The following THSD4 variants were observed in gnomAD, a reference collection of about 807,000 sequenced individuals.
THSD4 encodes the protein thrombospondin type 1 domain containing 4.
THSD4 carries 69 observed loss-of-function variants against 119.0 expected under a neutral mutation model. The ratio of observed to expected loss-of-function variants is 0.58; its 90% CI spans 0.48 to 0.71. The LOEUF (loss-of-function observed/expected upper bound fraction) is 0.71, where lower values mean the gene tolerates loss of function less well. THSD4 is among the 30% of genes least tolerant of loss of function. The probability of loss-of-function intolerance (pLI) is 0.00; values close to 1 mark genes in which losing one functional copy is unlikely to be tolerated. For missense variants in THSD4, 1,393 were observed against 1,391.1 expected (o/e 1.00, Z -0.02); for synonymous variants, 524 against 540.4 (o/e 0.97, Z 0.42).
intron 7 of THSD4, among the ~76,000 whole-genome samples, chr15:71,499,855 A>G (rs1479731343): frequency 6.6e-6 from 1 of 152,204 alleles, no homozygotes; most frequent in African/African-American, 2.4e-5. Flanking sequence ...AGGATGAATA[A>G]TATTCCATTG....
intron 7 of THSD4, among the ~76,000 whole-genome samples, chr15:71,566,564 C>T (rs765351653): frequency 2.6e-5 from 4 of 152,112 alleles, no homozygotes; most frequent in Non-Finnish European, 5.9e-5. Context: ...CGTGCTGCCC[C>T]GAGAGTTTCT....
At chr15:71,301,010 G>A (rs66859469) in intron 6 of THSD4, among the ~76,000 whole-genome samples, 33,200 of 152,110 alleles carry the variant, frequency 0.22, 4,296 homozygotes, top group Admixed American at 0.32. Context: ...GACAGGTCCT[G>A]TTTTATTTAA....
intron 6 of THSD4, among the ~76,000 whole-genome samples, chr15:71,298,451 C>G (rs552407375): frequency 1.3e-5 from 2 of 151,996 alleles, no homozygotes; most frequent in Non-Finnish European, 2.9e-5. Context: ...GCTACTAGAC[C>G]GGGGTATCAG....
intron 6 of THSD4, among the ~76,000 whole-genome samples, chr15:71,315,253 T>A (rs574017096): frequency 5.3e-5 from 8 of 152,372 alleles, no homozygotes; most frequent in African/African-American, 1.9e-4. Flanking sequence ...TGGCTCTAAC[T>A]GTGCAACTGG....
chr15:71,618,801 C>T (rs1595793721), intron 7 of THSD4, among the ~76,000 whole-genome samples: 1 of 151,900 alleles, frequency 6.6e-6, no homozygotes, highest in East Asian at 1.9e-4. Context: ...TGGTCTTGAA[C>T]TCCTGGACCT....
chr15:71,326,700 AATATATATATATATATAT>A (rs71154759), intron 6 of THSD4, among the ~76,000 whole-genome samples: 2 of 6,442 alleles, frequency 3.1e-4, no homozygotes, highest in East Asian at 6.8e-3. Context: ...AAAAAAAAAA[AATATATATATATATATAT>A]ATATATATTA....
In THSD4 at chr15:71,684,246, G is replaced by A. The variant is rs144554936; in HGVS notation, c.1357+23512G>A. Among the ~76,000 whole-genome samples the A allele has an allele frequency of 9.1e-4, 139 of 151,950 alleles. 2 individuals are homozygous for A. The East Asian group carries it at 0.02, about 21-fold the overall frequency. On this transcript the variant is annotated intron_variant, in intron 8 of 17. Coordinates refer to ENST00000261862, the MANE Select transcript of THSD4 (RefSeq NM_024817.3). Reference sequence around the variant, plus strand: ...TACCTCTATCTGGTAATTTCGTTGCGCTTTTATAAATTCTGAGTAATTTGA... The same window carrying A: ...TACCTCTATCTGGTAATTTCGTTGCACTTTTATAAATTCTGAGTAATTTGA...
At chr15:71,615,457 A>G (rs948110736) in intron 7 of THSD4, among the ~76,000 whole-genome samples, 18 of 152,130 alleles carry the variant, frequency 1.2e-4, no homozygotes, top group African/African-American at 4.1e-4. Context: ...GAAGGGAAAT[A>G]TGCATTTATA....
chr15:71,110,559 A>C (rs553818649), upstream of THSD4: 18 of 153,680 alleles, frequency 1.2e-4, no homozygotes, highest in African/African-American at 4.3e-4. Context: ...ATCAACAGCC[A>C]CTACGTCAAG....
In THSD4 at chr15:71,527,708, C is replaced by CTTTTTTTTTTTT. The variant is rs10635101; in HGVS notation, c.1152+115896_1152+115907dup. The stretch of plus-strand genomic sequence containing the variant: ...GATTTTTTTTCCCCATGTTTATCCT[C>CTTTTTTTTTTTT]TTTTTTTTTTTTTTTTTTTTTTGAG... On this transcript the variant is annotated intron_variant, in intron 7 of 17. Transcript: ENST00000261862. Among the ~76,000 whole-genome samples the CTTTTTTTTTTTT allele has an allele frequency of 7.5e-5, 6 of 79,716 alleles. 1 individual carries two copies. Among genetic ancestry groups the CTTTTTTTTTTTT allele is most frequent in the East Asian group, 4.9e-4 (1 of 2,058 alleles). 52.3% of individuals were successfully genotyped at this position (79,716 alleles called of 152,430 possible).
chr15:71,226,469 GT>G (rs1350357766), intron 4 of THSD4, among the ~76,000 whole-genome samples: 1 of 152,190 alleles, frequency 6.6e-6, no homozygotes, highest in African/African-American at 2.4e-5. Context: ...TGGATCACAA[GT>G]TTTACCCACA....
intron 1 of THSD4, among the ~76,000 whole-genome samples, chr15:71,102,757 G>T (rs546082249): frequency 8.5e-5 from 13 of 152,148 alleles, no homozygotes; most frequent in African/African-American, 3.1e-4. Flanking sequence ...GTGGAAACAG[G>T]GTTTCACTAT....
intron 6 of THSD4, among the ~76,000 whole-genome samples, chr15:71,381,351 C>G (rs866649637): frequency 2.0e-5 from 3 of 152,272 alleles, no homozygotes; most frequent in African/African-American, 7.2e-5. Context: ...ATTCAAATTG[C>G]ATATCTTAAC....
chr15:71,720,038 T>TTC (rs1373145087), intron 8 of THSD4, among the ~76,000 whole-genome samples: 2 of 144,502 alleles, frequency 1.4e-5, no homozygotes, highest in African/African-American at 2.6e-5. Flanking sequence ...TTTTTTTTCT[T>TTC]TTTTTTTTTT....
In THSD4 at chr15:71,779,535, A is replaced by T. The variant is rs2140265526; in HGVS notation, c.*2161A>T. ...TAAAGGAACACCTTCTAGCCATCAAAGCCGCCCAACAGAGGCAAGGGCCAC... is the reference window on the plus strand; with the variant it reads ...TAAAGGAACACCTTCTAGCCATCAATGCCGCCCAACAGAGGCAAGGGCCAC... On this transcript the variant is annotated 3_prime_UTR_variant, in exon 18 of 18. Transcript: ENST00000261862. 1 of 152,404 alleles carries T rather than the reference A, an allele frequency of 6.6e-6. No individual in the cohort carries two copies. The highest frequency in any genetic ancestry group is 2.1e-4 in the South Asian group (1 of 4,834). 9.4% of individuals were successfully genotyped at this position (152,404 alleles called of 1,614,324 possible).
intron 6 of THSD4, among the ~76,000 whole-genome samples, chr15:71,313,446 G>A (rs998803044): frequency 1.3e-5 from 2 of 152,078 alleles, no homozygotes; most frequent in South Asian, 2.1e-4. Flanking sequence ...TTTATTTTTT[G>A]ATATTTTTAT....
intron 7 of THSD4, among the ~76,000 whole-genome samples, chr15:71,507,453 G>C (rs538376673): frequency 7.5e-6 from 1 of 133,070 alleles, no homozygotes; most frequent in South Asian, 2.5e-4. Context: ...TTTTCAGGAA[G>C]TATACTGAAA....
chr15:71,554,549 T>C (rs1318019428), intron 7 of THSD4, among the ~76,000 whole-genome samples: 1 of 152,086 alleles, frequency 6.6e-6, no homozygotes, highest in Admixed American at 6.6e-5. Flanking sequence ...CCGCCATGCC[T>C]GGCTAATTTT....
chr15:71,701,997 C>T (rs1343482864), intron 8 of THSD4, among the ~76,000 whole-genome samples: 1 of 152,202 alleles, frequency 6.6e-6, no homozygotes, highest in Non-Finnish European at 1.5e-5. Flanking sequence ...TAAATCAAAT[C>T]TGAAAAGTGT....
Sources: gnomAD v4.1 joint callset for allele counts (sites outside exome capture counted in the v4.1 genomes callset) on GRCh38, gnomAD v4.1.1 for gene constraint, MANE v1.5 for transcripts, NCBI Gene and HGNC (gene_info 2026-07-23, HGNC 2026-07-21) for gene names.